SCN9A: variants seen among roughly 807,000 people sequenced by gnomAD.
SCN9A encodes the protein sodium voltage-gated channel alpha subunit 9.
In SCN9A, 131 loss-of-function variants were observed where a neutral mutation model predicts 187.0. The observed-to-expected ratio is 0.70, with a 90% CI of 0.61 to 0.81. SCN9A has a LOEUF of 0.81. SCN9A is among the 30% of genes least tolerant of loss of function. SCN9A has a pLI of 0.00. For synonymous variants in SCN9A, 809 were observed against 808.6 expected, an observed-to-expected ratio of 1.00 and a Z score of -0.01; for missense variants, 2,252 against 2,396.6, an observed-to-expected ratio of 0.94 and a Z score of 1.26.
At chr2:166,258,306 G>A (rs1405920251) in intron 17 of SCN9A, among the ~76,000 whole-genome samples, 1 of 151,368 alleles carries the variant, frequency 6.6e-6, no homozygotes, top group African/African-American at 2.4e-5. Context: ...AGTGTTCTAT[G>A]TGTTATTGAT....
intron 5 of SCN9A, 107 bp from the exon 6 acceptor site, chr2:166,304,436 A>G (rs894257886): frequency 1.4e-5 from 13 of 900,566 alleles, no homozygotes; most frequent in East Asian, 1.3e-4. Flanking sequence ...TTTTAAATGT[A>G]TAGTTCTGCA....
At chr2:166,217,446 T>C (rs774768691) in intron 24 of SCN9A, among the ~76,000 whole-genome samples, 1 of 151,964 alleles carries the variant, frequency 6.6e-6, no homozygotes, top group African/African-American at 2.4e-5. Context: ...ATAAAATATC[T>C]GCAAACCATA....
intron 7 of SCN9A, 153 bp downstream of exon 7, chr2:166,302,937 A>G: frequency 1.6e-6 from 1 of 622,408 alleles, no homozygotes; most frequent in Non-Finnish European, 2.7e-6. Context: ...TATGAAAATC[A>G]TATATAACAT....
intron 24 of SCN9A, among the ~76,000 whole-genome samples, chr2:166,206,251 C>G (rs907456401): frequency 6.6e-6 from 1 of 152,102 alleles, no homozygotes; most frequent in Non-Finnish European, 1.5e-5. Flanking sequence ...ATAGCAAAGA[C>G]TTGGAACCAA....
intron 8 of SCN9A, 121 bp from the exon 9 acceptor site, chr2:166,293,493 A>G: frequency 1.2e-6 from 1 of 817,584 alleles, no homozygotes; most frequent in African/African-American, 1.7e-5. Context: ...ATAAGGATTA[A>G]GAATACATGA....
At chr2:166,254,649 A>AATC (rs1574813728) in intron 17 of SCN9A, among the ~76,000 whole-genome samples, 1 of 151,378 alleles carries the variant, frequency 6.6e-6, no homozygotes, top group Non-Finnish European at 1.5e-5. Flanking sequence ...CTTTAAACTC[A>AATC]ATCATCTGTT....
rs1475819906 is a variant in SCN9A at position 166,196,997 on chromosome 2, T to A, written c.*1675A>T. 1 of 152,126 alleles carries A rather than the reference T, an allele frequency of 6.6e-6. No homozygotes were observed. The allele number at this position is 152,126 out of a possible 1,614,324, so 9.4% of individuals were successfully genotyped here. On this transcript the variant is annotated 3_prime_UTR_variant, in exon 27 of 27. Coordinates refer to ENST00000642356, the MANE Select transcript of SCN9A (RefSeq NM_001365536.1). ...TTTCTATAGGTACGTTTAAATCCTC[T>A]TTCTTTTTAAATTGCCAGAACAACA...
At chr2:166,295,067 A>T (rs78162614) in intron 7 of SCN9A, among the ~76,000 whole-genome samples, 2,241 of 152,316 alleles carry the variant, frequency 0.015, 116 homozygotes, top group Admixed American at 0.097. Flanking sequence ...TAAGGAGATG[A>T]TATTTAAACT....
At chr2:166,373,183 G>A (rs994017803) in intron 1 of SCN9A, among the ~76,000 whole-genome samples, 1 of 152,124 alleles carries the variant, frequency 6.6e-6, no homozygotes. Context: ...AAGAGAATAG[G>A]TTCTGGTGAG....
intron 9 of SCN9A, among the ~76,000 whole-genome samples, chr2:166,291,411 A>G (rs1340110609): frequency 6.6e-6 from 1 of 152,188 alleles, no homozygotes; most frequent in African/African-American, 2.4e-5. Flanking sequence ...GCCACTACTC[A>G]AGGAAACAAG....
chr2:166,299,384 G>T (rs1698459809), intron 7 of SCN9A, among the ~76,000 whole-genome samples: 1 of 150,658 alleles, frequency 6.6e-6, no homozygotes, highest in African/African-American at 2.5e-5. Flanking sequence ...GAAATTCTCT[G>T]ATGACTTCCC....
In SCN9A at chr2:166,221,465, A is replaced by C. The variant is rs926394345; in HGVS notation, c.4398+5102T>G. The stretch of plus-strand genomic sequence containing the variant: ...GCCCAGGCCAGAGTGCAGTGGCATG[A>C]TCATAGCTCACTGCAGCCTCATACT... On this transcript the variant is annotated intron_variant, in intron 24 of 26. Coordinates refer to ENST00000642356, the MANE Select transcript of SCN9A (RefSeq NM_001365536.1). Among the ~76,000 whole-genome samples the C allele has an allele frequency of 7.9e-5, 12 of 152,204 alleles. No individual in the cohort carries two copies. The East Asian group carries it at 1.5e-3, about 20-fold the overall frequency.
intron 1 of SCN9A, among the ~76,000 whole-genome samples, chr2:166,312,476 T>G (rs1396993782): frequency 3.3e-5 from 5 of 152,180 alleles, no homozygotes; most frequent in African/African-American, 1.2e-4. Context: ...AGAGTTGGAA[T>G]CAACTCATTC....
In SCN9A at chr2:166,272,551, C is replaced by T; in HGVS notation, c.3199G>A (p.Asp1067Asn). The T allele has an allele frequency of 6.2e-7, 1 of 1,613,418 alleles. No homozygotes were observed. Among genetic ancestry groups the T allele is most frequent in the African/African-American group, 1.3e-5 (1 of 74,986 alleles). Residue 1067 changes from aspartate to asparagine, a missense_variant, in exon 17 of 27, where the codon GAC becomes AAC. Physicochemically the swap from Asp to Asn is conservative, Grantham distance 23. Coordinates refer to ENST00000642356, the MANE Select transcript of SCN9A (RefSeq NM_001365536.1). ...TCACTGTCTTCCATCAAGTGTTTGT[C>T]CACGCTGCTTCCAAAACCACTGATT... ...DKISGFGSSV[D>N]KHLMEDSDGQ...
chr2:166,210,377 G>T (rs940314938), intron 24 of SCN9A, among the ~76,000 whole-genome samples: 2 of 151,782 alleles, frequency 1.3e-5, no homozygotes, highest in Non-Finnish European at 2.9e-5. Flanking sequence ...GAGTTAATGG[G>T]TGTAGCACAC....
rs1381274568 is a variant in SCN9A, at chr2:166,293,320, C to A, written c.1018G>T (p.Gly340Cys). The A allele has an allele frequency of 1.2e-6, 2 of 1,608,374 alleles. No individual in the cohort carries two copies. Among genetic ancestry groups the A allele is most frequent in the East Asian group, 4.5e-5 (2 of 44,768 alleles). The change falls in exon 9 of 27, where the codon GGC (glycine) becomes TGC (cysteine). Residue 340 changes from glycine to cysteine, a missense_variant. Gly to Cys is a radical substitution (Grantham distance 159, BLOSUM62 -3). Transcript: ENST00000642356. ...CVKIGRNPDY[G>C]YTSFDTFSWA... is the part of the protein sequence containing the mutation. ...CTGAAAGTGTCAAAGCTCGTGTAGCCATAATCAGGGTTTCTGCCAATTTTC... is the reference window on the plus strand; with the variant it reads ...CTGAAAGTGTCAAAGCTCGTGTAGCAATAATCAGGGTTTCTGCCAATTTTC...
At chr2:166,201,373 A>T (rs1381360482) in intron 26 of SCN9A, among the ~76,000 whole-genome samples, 1 of 148,180 alleles carries the variant, frequency 6.7e-6, no homozygotes, top group African/African-American at 2.5e-5. Flanking sequence ...GTATGCGTAT[A>T]CTCTATATAG....
At chr2:166,374,643 ATATAT>A (rs1405447919) in intron 1 of SCN9A, among the ~76,000 whole-genome samples, 1 of 152,092 alleles carries the variant, frequency 6.6e-6, no homozygotes, top group African/African-American at 2.4e-5. Context: ...AAATTATAAA[ATATAT>A]TTAAATAACA....
Position 166,204,218 on chromosome 2 carries a change from A to G in SCN9A, c.4511T>C (p.Ile1504Thr). The G allele has an allele frequency of 6.2e-7, 1 of 1,608,922 alleles. No individual in the cohort carries two copies. The highest frequency in any genetic ancestry group is 8.5e-7 in the Non-Finnish European group (1 of 1,177,414). The change falls in exon 26 of 27, where the codon ATC becomes ACC. Residue 1504 changes from isoleucine (I) to threonine (T), a missense_variant. Physicochemically the swap from Ile to Thr is moderately conservative, Grantham distance 89. This residue lies in a region of SCN9A where 368 missense variants were observed against 408.6 expected (regional missense o/e 0.90). Transcript: ENST00000642356. ...QKPIPRPGNK[I>T]QGCIFDLVTN... The stretch of plus-strand genomic sequence containing the variant: ...CACTAGGTCAAATATACATCCTTGG[A>G]TTTTGTTCTGCAAAGAAATAAGAAT...
Sources: gnomAD v4.1 joint callset for allele counts (sites outside exome capture counted in the v4.1 genomes callset) on GRCh38, gnomAD v4.1.1 for gene constraint, gnomAD v4.1.1 regional missense constraint, MANE v1.5 for transcripts, NCBI Gene and HGNC (gene_info 2026-07-23, HGNC 2026-07-21) for gene names.